KCTD16: variants seen among roughly 807,000 people sequenced by gnomAD.
KCTD16 encodes potassium channel tetramerization domain containing 16, also known as BTB/POZ domain-containing protein KCTD16.
In KCTD16, 13 loss-of-function variants were observed where a neutral mutation model predicts 33.2. The observed-to-expected ratio is 0.39, with a 90% CI of 0.25 to 0.62. KCTD16 has a LOEUF of 0.62. Ranked by LOEUF, KCTD16 falls within the 20% of genes least tolerant of loss-of-function variation. KCTD16 has a pLI of 0.50. For missense variants in KCTD16, 441 were observed against 525.1 expected (o/e 0.84, Z 1.57); for synonymous variants, 197 against 195.3 (o/e 1.01, Z -0.07).
At chr5:144,243,499 TTCTA>T (rs1754460578) in intron 3 of KCTD16, among the ~76,000 whole-genome samples, 1 of 152,212 alleles carries the variant, frequency 6.6e-6, no homozygotes, top group Non-Finnish European at 1.5e-5. Flanking sequence ...TGTGTATCTG[TTCTA>T]TCTTTTTGTT....
At chr5:144,291,512 C>T (rs1755895612) in intron 3 of KCTD16, among the ~76,000 whole-genome samples, 1 of 152,194 alleles carries the variant, frequency 6.6e-6, no homozygotes, top group East Asian at 1.9e-4. Context: ...TTAGGCTATG[C>T]ACCCTTTAAA....
At chr5:144,340,395 C>G (rs1175482249) in intron 3 of KCTD16, among the ~76,000 whole-genome samples, 1 of 134,832 alleles carries the variant, frequency 7.4e-6, no homozygotes, top group African/African-American at 3.0e-5. Flanking sequence ...GAGCGAGACT[C>G]CATCTCAAAA....
intron 3 of KCTD16, among the ~76,000 whole-genome samples, chr5:144,417,923 G>A (rs552990349): frequency 2.0e-5 from 3 of 152,174 alleles, no homozygotes; most frequent in Admixed American, 6.5e-5. Flanking sequence ...GACCCTCACA[G>A]TGAGTGTTAC....
In KCTD16 at chr5:144,207,203, G is replaced by T. The variant is rs988316029; in HGVS notation, c.489G>T (p.Trp163Cys). The change falls in exon 3 of 4, where the codon TGG becomes TGT. Residue 163 changes from tryptophan to cysteine, a missense_variant. Coordinates refer to ENST00000512467, the MANE Select transcript of KCTD16 (RefSeq NM_020768.4). Reference sequence around the variant, plus strand: ...CCCTGCTCCCTGCCGACCGCAAGTGGGGTTTCATTACTGTGGGTTACAGAG... The same window carrying T: ...CCCTGCTCCCTGCCGACCGCAAGTGTGGTTTCATTACTGTGGGTTACAGAG... ...PSSLLPADRKWGFITVGYRGS... is the reference protein window; with the variant it reads ...PSSLLPADRKCGFITVGYRGS... 2 of 1,613,588 alleles carry T rather than the reference G, an allele frequency of 1.2e-6. No homozygotes were observed. Among genetic ancestry groups the T allele is most frequent in the Non-Finnish European group, 1.7e-6 (2 of 1,179,762 alleles).
chr5:144,299,104 A>ATATATC (rs1756144995), intron 3 of KCTD16, among the ~76,000 whole-genome samples: 1 of 8,984 alleles, frequency 1.1e-4, no homozygotes, highest in African/African-American at 3.9e-4. Context: ...ATGTATATAT[A>ATATATC]TATATATATA....
chr5:144,389,870 A>G (rs922756766), intron 3 of KCTD16, among the ~76,000 whole-genome samples: 1 of 152,072 alleles, frequency 6.6e-6, no homozygotes, highest in Non-Finnish European at 1.5e-5. Context: ...AACTAATTTG[A>G]CCCTTTCCCT....
intron 2 of KCTD16, among the ~76,000 whole-genome samples, chr5:144,178,600 A>G (rs1351775074): frequency 6.6e-6 from 1 of 152,194 alleles, no homozygotes; most frequent in Non-Finnish European, 1.5e-5. Context: ...CAATTTAATG[A>G]AAATCATAAA....
intron 3 of KCTD16, among the ~76,000 whole-genome samples, chr5:144,431,485 G>A (rs1281394205): frequency 6.6e-6 from 1 of 152,262 alleles, no homozygotes. Context: ...ATGGAATCAA[G>A]TTTGGCTCTT....
chr5:144,474,225 G>C lies in KCTD16; in HGVS notation c.*111G>C. On this transcript the variant is annotated 3_prime_UTR_variant, in exon 4 of 4. Coordinates refer to ENST00000512467, the MANE Select transcript of KCTD16 (RefSeq NM_020768.4). Reference sequence around the variant, plus strand: ...TACAACTAATGATGCACATTTCTTAGAACACAATAGTCCATTGATATACTA... The same window carrying C: ...TACAACTAATGATGCACATTTCTTACAACACAATAGTCCATTGATATACTA... 1 of 805,156 alleles carries C rather than the reference G, an allele frequency of 1.2e-6. No homozygotes were observed. The highest frequency in any genetic ancestry group is 1.9e-6 in the Non-Finnish European group (1 of 516,366). The allele number at this position is 805,156 out of a possible 1,614,324, so 49.9% of individuals were successfully genotyped here.
chr5:144,382,777 C>T (rs1752245003), intron 3 of KCTD16, among the ~76,000 whole-genome samples: 1 of 152,174 alleles, frequency 6.6e-6, no homozygotes, highest in South Asian at 2.1e-4. Context: ...GGATGTTCAT[C>T]TCTTTTACTT....
chr5:144,467,833 C>T (rs1031949963), intron 3 of KCTD16, among the ~76,000 whole-genome samples: 1 of 152,132 alleles, frequency 6.6e-6, no homozygotes, highest in African/African-American at 2.4e-5. Flanking sequence ...GGTGTTGTCT[C>T]TCAGCTCCAA....
chr5:144,266,871 C>T (rs923739127), intron 3 of KCTD16, among the ~76,000 whole-genome samples: 3 of 152,034 alleles, frequency 2.0e-5, no homozygotes, highest in African/African-American at 7.2e-5. Flanking sequence ...TCTTTGCTGA[C>T]CTATTTTTTT....
intron 3 of KCTD16, among the ~76,000 whole-genome samples, chr5:144,341,971 G>A (rs930669643): frequency 6.6e-6 from 1 of 152,110 alleles, no homozygotes; most frequent in African/African-American, 2.4e-5. Flanking sequence ...GTACATTATT[G>A]CTTTCACCTT....
At chr5:144,225,038 A>G (rs933829569) in intron 3 of KCTD16, among the ~76,000 whole-genome samples, 16 of 152,142 alleles carry the variant, frequency 1.1e-4, no homozygotes, top group African/African-American at 3.6e-4. Context: ...TCAAACCCCA[A>G]TTGCCCTGAC....
chr5:144,222,038 T>C (rs774834964), intron 3 of KCTD16, among the ~76,000 whole-genome samples: 1 of 152,252 alleles, frequency 6.6e-6, no homozygotes, highest in Non-Finnish European at 1.5e-5. Context: ...CTTTTTTTCA[T>C]ATGTTTGTTG....
At chr5:144,173,446 CAT>C (rs1204711153) in intron 1 of KCTD16, among the ~76,000 whole-genome samples, 1 of 152,054 alleles carries the variant, frequency 6.6e-6, no homozygotes, top group African/African-American at 2.4e-5. Flanking sequence ...CACATGGACA[CAT>C]AGAGGGGAGC....
chr5:144,184,762 G>A (rs1480876987), intron 2 of KCTD16, among the ~76,000 whole-genome samples: 3 of 152,156 alleles, frequency 2.0e-5, no homozygotes, highest in African/African-American at 7.2e-5. Context: ...TTTCCCTGAT[G>A]ATTAGTGATG....
intron 3 of KCTD16, among the ~76,000 whole-genome samples, chr5:144,376,037 C>G (rs1316821874): frequency 6.6e-6 from 1 of 152,080 alleles, no homozygotes; most frequent in Non-Finnish European, 1.5e-5. Context: ...GTTGGCTAGG[C>G]TGGTCTTGAA....
At chr5:144,462,338 A>AATGATTT (rs1754215409) in intron 3 of KCTD16, among the ~76,000 whole-genome samples, 1 of 152,128 alleles carries the variant, frequency 6.6e-6, no homozygotes, top group South Asian at 2.1e-4. Flanking sequence ...TTTTAAACAG[A>AATGATTT]ATGATTTAAT....
Sources: allele counts gnomAD v4.1 joint callset (sites outside exome capture counted in the v4.1 genomes callset), GRCh38; gene constraint gnomAD v4.1.1; transcripts MANE v1.5; gene names NCBI Gene and HGNC (gene_info 2026-07-23, HGNC 2026-07-21).